CACNA2D3: variants seen among roughly 807,000 people sequenced by gnomAD.
CACNA2D3 encodes the protein calcium voltage-gated channel auxiliary subunit alpha2delta 3.
Under a neutral mutation model 160.6 loss-of-function variants are expected in CACNA2D3, and 60 were observed. The observed-to-expected ratio is 0.37, with a 90% confidence interval of 0.30 to 0.46. The LOEUF (loss-of-function observed/expected upper bound fraction) is 0.46. CACNA2D3 is among the 20% of genes least tolerant of loss of function. CACNA2D3 has a pLI of 1.00. For missense variants in CACNA2D3, 1,205 were observed against 1,365.0 expected (o/e 0.88, Z 1.85); for synonymous variants, 558 against 492.9 (o/e 1.13, Z -1.75).
chr3:54,378,005 A>G (rs1042506602), intron 3 of CACNA2D3, among the ~76,000 whole-genome samples: 2 of 151,978 alleles, frequency 1.3e-5, no homozygotes, highest in Non-Finnish European at 2.9e-5. Flanking sequence ...TACCTTCAAT[A>G]CTCTGCCATG....
chr3:54,180,166 A>G (rs1254462422), intron 2 of CACNA2D3, among the ~76,000 whole-genome samples: 1 of 150,192 alleles, frequency 6.7e-6, no homozygotes, highest in African/African-American at 2.5e-5. Flanking sequence ...TGTGAGTGTA[A>G]CATGATGAAT....
rs1700313074 is a variant in CACNA2D3, at chr3:54,680,052, G to A, written c.1167+37811G>A. On this transcript the variant is annotated intron_variant, in intron 11 of 37. Transcript: ENST00000474759. ...TACTTTTAGTTCTTCTTTCCTATAT[G>A]AACAAAATATAATTCCCTCACACAA... 3.9e-5 allele frequency among the ~76,000 whole-genome samples: 6 copies of A among 152,064 alleles called. No individual in the cohort carries two copies. The South Asian group carries it at 1.2e-3, about 31-fold the overall frequency.
At chr3:54,218,629 A>G (rs1273762188) in intron 2 of CACNA2D3, among the ~76,000 whole-genome samples, 10 of 152,216 alleles carry the variant, frequency 6.6e-5, no homozygotes, top group Non-Finnish European at 8.8e-5. Context: ...TGCTGCTGTA[A>G]CAAATATCAC....
At chr3:54,232,458 T>C (rs959507341) in intron 2 of CACNA2D3, among the ~76,000 whole-genome samples, 4 of 152,192 alleles carry the variant, frequency 2.6e-5, no homozygotes, top group African/African-American at 9.7e-5. Context: ...AAGAACCTCA[T>C]GTGCATAATA....
chr3:55,062,458 A>G (rs1344855207), intron 35 of CACNA2D3, among the ~76,000 whole-genome samples: 1 of 151,858 alleles, frequency 6.6e-6, no homozygotes, highest in Non-Finnish European at 1.5e-5. Flanking sequence ...TGTAGAAAAC[A>G]AAAAAAAGGA....
In CACNA2D3 at chr3:54,809,322, T is replaced by C. The variant is rs1559590276; in HGVS notation, c.1381-7531T>C. On this transcript the variant is annotated intron_variant, in intron 13 of 37. Coordinates refer to ENST00000474759, the MANE Select transcript of CACNA2D3 (RefSeq NM_018398.3). ...TTCCTTCCTTCTTTCTTTTTTTTTT[T>C]TTTTTTTGAGACGGAGTCTCGCTCT... Among the ~76,000 whole-genome samples the C allele has an allele frequency of 2.0e-4, 22 of 110,096 alleles. 4 individuals carry two copies. The highest frequency in any genetic ancestry group is 8.8e-4 in the African/African-American group (21 of 23,866). 72.2% of individuals were successfully genotyped at this position (110,096 alleles called of 152,430 possible).
chr3:54,726,888 G>A lies in CACNA2D3; in HGVS notation c.1168-25711G>A, dbSNP rs140581181. ...TCATGTCTAAAACACCAAAAGCAATGGCAACAAAAGCCAAAATTGACAAAT... is the reference window on the plus strand; with the variant it reads ...TCATGTCTAAAACACCAAAAGCAATAGCAACAAAAGCCAAAATTGACAAAT... On this transcript the variant is annotated intron_variant, in intron 11 of 37. Transcript: ENST00000474759. Among the ~76,000 whole-genome samples the A allele has an allele frequency of 1.7e-3, 265 of 152,198 alleles. 2 individuals are homozygous for A. The highest frequency in any genetic ancestry group is 6.8e-3 in the Middle Eastern group (2 of 294).
intron 11 of CACNA2D3, among the ~76,000 whole-genome samples, chr3:54,701,385 A>G (rs1460731089): frequency 6.6e-6 from 1 of 152,206 alleles, no homozygotes; most frequent in South Asian, 2.1e-4. Context: ...CAAGGAGTCT[A>G]CTGAGATTTC....
chr3:54,142,731 A>G (rs773956253), intron 2 of CACNA2D3, among the ~76,000 whole-genome samples: 1 of 152,180 alleles, frequency 6.6e-6, no homozygotes. Flanking sequence ...TACCATCCAT[A>G]TTTAACTGAT....
chr3:54,472,331 C>T (rs538022510), intron 4 of CACNA2D3, among the ~76,000 whole-genome samples: 28 of 152,012 alleles, frequency 1.8e-4, no homozygotes, highest in South Asian at 8.3e-4. Flanking sequence ...AAAAGGCCTT[C>T]GATAAAATTC....
intron 27 of CACNA2D3, among the ~76,000 whole-genome samples, chr3:54,953,085 G>T (rs1271626507): frequency 2.6e-5 from 4 of 152,176 alleles, no homozygotes; most frequent in Non-Finnish European, 5.9e-5. Context: ...ATTAAATAAT[G>T]CATGTATTTA....
chr3:54,316,450 A>G (rs796569484), intron 2 of CACNA2D3, among the ~76,000 whole-genome samples: 2 of 152,234 alleles, frequency 1.3e-5, no homozygotes, highest in Non-Finnish European at 2.9e-5. Flanking sequence ...GCAGTCATTA[A>G]CATGTCTTGG....
chr3:54,318,132 CTT>C (rs1329939119), intron 2 of CACNA2D3, among the ~76,000 whole-genome samples: 1 of 125,240 alleles, frequency 8.0e-6, no homozygotes, highest in Non-Finnish European at 1.9e-5. Context: ...CCAGAGAAAT[CTT>C]TTGTGTCTGC....
At chr3:54,933,481 C>T (rs1391067703) in intron 27 of CACNA2D3, among the ~76,000 whole-genome samples, 6 of 152,202 alleles carry the variant, frequency 3.9e-5, no homozygotes, top group Non-Finnish European at 2.9e-5. Flanking sequence ...CACTTCTGCT[C>T]ACATTCTATT....
intron 9 of CACNA2D3, among the ~76,000 whole-genome samples, chr3:54,627,048 G>A (rs940918337): frequency 1.3e-5 from 2 of 152,198 alleles, no homozygotes; most frequent in African/African-American, 4.8e-5. Context: ...TCTAGCCTGT[G>A]TCTGTCTTGT....
At chr3:54,424,616 A>T (rs1048236941) in intron 4 of CACNA2D3, among the ~76,000 whole-genome samples, 1 of 151,560 alleles carries the variant, frequency 6.6e-6, no homozygotes, top group African/African-American at 2.4e-5. Flanking sequence ...TGAGCTGCAG[A>T]TGGAGCCAGG....
chr3:54,784,482 A>G (rs572143423), intron 13 of CACNA2D3, among the ~76,000 whole-genome samples: 2 of 152,238 alleles, frequency 1.3e-5, no homozygotes, highest in South Asian at 4.2e-4. Context: ...CTCCCCCCAA[A>G]TAGTCACTTT....
At chr3:55,018,346 C>T (rs1477378453) in intron 35 of CACNA2D3, 29 bp downstream of exon 35, 5 of 1,350,902 alleles carry the variant, frequency 3.7e-6, no homozygotes, top group Admixed American at 1.8e-5. Flanking sequence ...CTCTAACCCC[C>T]TACACCTTTC....
At chr3:54,836,481 G>T (rs942806402) in intron 14 of CACNA2D3, among the ~76,000 whole-genome samples, 5 of 151,944 alleles carry the variant, frequency 3.3e-5, no homozygotes, top group African/African-American at 1.2e-4. Flanking sequence ...TGATCTGCCT[G>T]CCTTGGCCTC....
Sources: gnomAD v4.1 joint callset for allele counts (sites outside exome capture counted in the v4.1 genomes callset) on GRCh38, gnomAD v4.1.1 for gene constraint, MANE v1.5 for transcripts, NCBI Gene and HGNC (gene_info 2026-07-23, HGNC 2026-07-21) for gene names.